GNG12: variants seen among roughly 807,000 people sequenced by gnomAD.
The protein encoded by GNG12 is guanine nucleotide-binding protein G(I)/G(S)/G(O) subunit gamma-12.
For synonymous variants in GNG12, 28 were observed against 29.7 expected (o/e 0.94, Z 0.19); for missense variants, 69 against 83.8 (o/e 0.82, Z 0.69).
chr1:67,751,108 T>C (rs1646536088), intron 2 of GNG12, among the ~76,000 whole-genome samples: 1 of 151,436 alleles, frequency 6.6e-6, no homozygotes, highest in Admixed American at 6.6e-5. Context: ...TTTACACACA[T>C]TCACCCCCTC....
chr1:67,798,526 T>C (rs1428339135), intron 1 of GNG12, among the ~76,000 whole-genome samples: 1 of 152,094 alleles, frequency 6.6e-6, no homozygotes, highest in African/African-American at 2.4e-5. Flanking sequence ...AGTTACCCTG[T>C]CTTCCTGCCT....
At chr1:67,827,912 C>G (rs1361846751) in intron 1 of GNG12, among the ~76,000 whole-genome samples, 4 of 152,212 alleles carry the variant, frequency 2.6e-5, no homozygotes, top group Non-Finnish European at 5.9e-5. Flanking sequence ...AAGAGAGACT[C>G]TCCAATAAAT....
At chr1:67,786,283 G>T (rs889039866) in intron 1 of GNG12, among the ~76,000 whole-genome samples, 13 of 152,306 alleles carry the variant, frequency 8.5e-5, no homozygotes, top group Admixed American at 3.9e-4. Context: ...TCTCCCCACT[G>T]ATATTTATGT....
At chr1:67,814,037 A>G (rs1229157013) in intron 1 of GNG12, among the ~76,000 whole-genome samples, 4 of 152,216 alleles carry the variant, frequency 2.6e-5, no homozygotes, top group Admixed American at 2.6e-4. Flanking sequence ...CAAGTGTCAG[A>G]GCTGGGATTT....
At chr1:67,736,151 AG>A (rs1228353360) in intron 2 of GNG12, among the ~76,000 whole-genome samples, 1 of 152,150 alleles carries the variant, frequency 6.6e-6, no homozygotes, top group Non-Finnish European at 1.5e-5. Flanking sequence ...TTTCACTTGC[AG>A]GAACTGTGGG....
At chr1:67,774,122 T>A (rs1163341363) in intron 2 of GNG12, among the ~76,000 whole-genome samples, 1 of 152,168 alleles carries the variant, frequency 6.6e-6, no homozygotes, top group East Asian at 1.9e-4. Context: ...TGAATCATGA[T>A]CAACCCTGCT....
At chr1:67,820,299 G>T (rs1450354195) in intron 1 of GNG12, among the ~76,000 whole-genome samples, 2 of 151,302 alleles carry the variant, frequency 1.3e-5, no homozygotes, top group Non-Finnish European at 2.9e-5. Flanking sequence ...TGAGACAGGA[G>T]AATTGCTTGA....
chr1:67,758,895 G>A (rs762650096), intron 2 of GNG12, among the ~76,000 whole-genome samples: 3 of 152,148 alleles, frequency 2.0e-5, no homozygotes, highest in Non-Finnish European at 2.9e-5. Context: ...GGAAGGGAAG[G>A]GGGGGATGAA....
At chr1:67,735,349 T>C (rs564355984) in intron 2 of GNG12, among the ~76,000 whole-genome samples, 1 of 152,320 alleles carries the variant, frequency 6.6e-6, no homozygotes, top group East Asian at 1.9e-4. Context: ...TATTTGCACA[T>C]AAAAATATTT....
intron 1 of GNG12, among the ~76,000 whole-genome samples, chr1:67,813,082 A>C (rs780478027): frequency 2.4e-4 from 36 of 152,304 alleles, no homozygotes; most frequent in South Asian, 1.2e-3. Context: ...CTGTCCCCAA[A>C]GCTCCAGATG....
At chr1:67,762,675 C>G (rs1411411869) in intron 2 of GNG12, among the ~76,000 whole-genome samples, 1 of 152,214 alleles carries the variant, frequency 6.6e-6, no homozygotes, top group East Asian at 1.9e-4. Context: ...GCGTTTATCT[C>G]TTTTTAAAGT....
In GNG12 at chr1:67,703,413, A is replaced by C. The variant is rs1475762610; in HGVS notation, c.*2038T>G. ...AGTAATTTTTCATGAAAATATTTTG[A>C]AAGAAGCTACATTATAAATATTTAA... On this transcript the variant is annotated 3_prime_UTR_variant, in exon 4 of 4. Transcript: ENST00000370982. 6.6e-6 allele frequency: 1 copy of C among 152,238 alleles called. No homozygotes were observed. Among genetic ancestry groups the C allele is most frequent in the Non-Finnish European group, 1.5e-5 (1 of 68,038 alleles). The allele number at this position is 152,238 out of a possible 1,614,324, so 9.4% of individuals were successfully genotyped here.
Position 67,703,599 on chromosome 1 carries a change from CCT to C in GNG12, c.*1850_*1851del, listed in dbSNP as rs1271447858. 6.6e-6 allele frequency: 1 copy of C among 152,066 alleles called. No homozygotes were observed. The highest frequency in any genetic ancestry group is 2.4e-5 in the African/African-American group (1 of 41,398). The allele number at this position is 152,066 out of a possible 1,614,324, so 9.4% of individuals were successfully genotyped here. Reference sequence around the variant, plus strand: ...CTCACCCTTTGAGAGGTAAAATCTTCCTCTCTCCTAAACAGGTACCTATAATT... The same window carrying C: ...CTCACCCTTTGAGAGGTAAAATCTTCCTCTCCTAAACAGGTACCTATAATT... On this transcript the variant is annotated 3_prime_UTR_variant, in exon 4 of 4. Transcript: ENST00000370982.
intron 2 of GNG12, among the ~76,000 whole-genome samples, chr1:67,774,220 A>G (rs1432181869): frequency 1.3e-5 from 2 of 152,196 alleles, no homozygotes; most frequent in Non-Finnish European, 2.9e-5. Flanking sequence ...ATTGCTCAGA[A>G]GCTCAGAGGT....
At chr1:67,720,593 T>C (rs1261335693) in intron 2 of GNG12, among the ~76,000 whole-genome samples, 1 of 152,238 alleles carries the variant, frequency 6.6e-6, no homozygotes, top group Non-Finnish European at 1.5e-5. Context: ...TAGAGTGCTT[T>C]TTCTGTGCCA....
At chr1:67,754,530 C>T (rs570766535) in intron 2 of GNG12, among the ~76,000 whole-genome samples, 1 of 152,200 alleles carries the variant, frequency 6.6e-6, no homozygotes, top group Non-Finnish European at 1.5e-5. Context: ...AAGCAGCTGG[C>T]CCCTGGATCA....
At chr1:67,774,803 C>T (rs189778724) in intron 2 of GNG12, among the ~76,000 whole-genome samples, 1 of 152,246 alleles carries the variant, frequency 6.6e-6, no homozygotes, top group Admixed American at 6.5e-5. Context: ...TGTCTTTTCT[C>T]TTTCAAGGAC....
At chr1:67,725,184 A>G (rs2100692769) in intron 2 of GNG12, among the ~76,000 whole-genome samples, 1 of 152,346 alleles carries the variant, frequency 6.6e-6, no homozygotes, top group Admixed American at 6.5e-5. Context: ...GCCAGGAAGC[A>G]TCATTCCTTG....
At chr1:67,818,456 A>T (rs544869649) in intron 1 of GNG12, among the ~76,000 whole-genome samples, 1 of 121,678 alleles carries the variant, frequency 8.2e-6, no homozygotes, top group Non-Finnish European at 1.6e-5. Context: ...CCAATTCAAT[A>T]TGGACCAATT....
Sources: allele counts gnomAD v4.1 joint callset (sites outside exome capture counted in the v4.1 genomes callset), GRCh38; gene constraint gnomAD v4.1.1; transcripts MANE v1.5; gene names NCBI Gene and HGNC (gene_info 2026-07-23, HGNC 2026-07-21).